The following PALD1 variants were observed in gnomAD, a reference collection of about 807,000 sequenced individuals.
PALD1 encodes paladin.
In PALD1, 57 loss-of-function variants were observed where a neutral mutation model predicts 96.0. The ratio of observed to expected loss-of-function variants is 0.59; its 90% CI spans 0.48 to 0.74. PALD1 has a LOEUF of 0.74. Among genes scored for constraint, PALD1 ranks in the 30% least tolerant of loss-of-function variants. The pLI, the probability that PALD1 is intolerant of heterozygous loss-of-function variation, is 0.00. For missense variants in PALD1, 1,063 were observed against 1,143.7 expected (o/e 0.93, Z 1.02); for synonymous variants, 464 against 473.6 (o/e 0.98, Z 0.26).
At chr10:70,564,296 G>A in intron 18 of PALD1, 68 bp from the exon 19 acceptor site, 1 of 1,492,986 alleles carries the variant, frequency 6.7e-7, no homozygotes, top group Non-Finnish European at 9.1e-7. Context: ...AGGGCAGCAG[G>A]GTGGCATGTT....
chr10:70,529,978 G>A lies in PALD1; in HGVS notation c.378G>A (p.Val126=). Residue 126 remains valine, a synonymous_variant, in exon 4 of 20, where the codon GTG becomes GTA. Transcript: ENST00000263563. The part of the protein sequence containing the change: ...GSCGAPNFRQ[V]QGGLTVFGMG... Reference sequence around the variant, plus strand: ...GTGGGGCCCCCAACTTCCGGCAGGTGCAGGGTGGGCTCACTGTGTTCGGCA... The same window carrying A: ...GTGGGGCCCCCAACTTCCGGCAGGTACAGGGTGGGCTCACTGTGTTCGGCA... 2 of 1,611,724 alleles carry A rather than the reference G, an allele frequency of 1.2e-6. No individual in the cohort carries two copies. Among genetic ancestry groups the A allele is most frequent in the Non-Finnish European group, 1.7e-6 (2 of 1,178,906 alleles).
chr10:70,550,322 C>G (rs1176404659), intron 18 of PALD1, among the ~76,000 whole-genome samples: 3 of 152,184 alleles, frequency 2.0e-5, no homozygotes, highest in Non-Finnish European at 4.4e-5. Context: ...CGGCCCCCAG[C>G]TTTAGTGGGC....
chr10:70,525,734 G>A (rs972882742), intron 1 of PALD1, among the ~76,000 whole-genome samples, 189 bp from the exon 2 acceptor site: 6 of 152,136 alleles, frequency 3.9e-5, no homozygotes, highest in African/African-American at 7.2e-5. Flanking sequence ...GTAAAGGGCC[G>A]GGTATAGAGC....
intron 1 of PALD1, among the ~76,000 whole-genome samples, chr10:70,494,149 T>C (rs2132276536): frequency 1.3e-5 from 2 of 152,312 alleles, no homozygotes; most frequent in South Asian, 4.1e-4. Context: ...AGGTCCTTTT[T>C]CTCCAGAGAG....
rs1366968961 is a variant in PALD1 at position 70,538,268 on chromosome 10, C to A, written c.1324-12C>A. 1 of 1,600,434 alleles carries A rather than the reference C, an allele frequency of 6.2e-7. No homozygotes were observed. The highest frequency in any genetic ancestry group is 1.7e-5 in the Admixed American group (1 of 60,014). The stretch of plus-strand genomic sequence containing the variant: ...GCCCCTGAATTCCTCGTCTCTCTGC[C>A]TCGGGCTGCAGTACCCGCTGGCCTT... On this transcript the variant is annotated splice_polypyrimidine_tract_variant and intron_variant, in intron 11 of 19. Transcript: ENST00000263563.
At chr10:70,537,733 C>T (rs1847143447) in intron 10 of PALD1, 78 bp from the exon 11 acceptor site, 2 of 945,342 alleles carry the variant, frequency 2.1e-6, no homozygotes, top group African/African-American at 1.6e-5. Context: ...CAAGGCTTAA[C>T]TCCTGCCCTT....
At chr10:70,487,151 T>TTTG (rs1846027453) in intron 1 of PALD1, among the ~76,000 whole-genome samples, 1 of 145,592 alleles carries the variant, frequency 6.9e-6, no homozygotes, top group African/African-American at 2.6e-5. Context: ...TTTTTTTTTT[T>TTTG]GAGACAGAGT....
At chr10:70,529,455 C>T (rs534037874) in intron 3 of PALD1, 124 bp downstream of exon 3, 12 of 626,280 alleles carry the variant, frequency 1.9e-5, no homozygotes, top group Admixed American at 9.2e-5. Flanking sequence ...ATTTTCAGAA[C>T]GGGCAGGGCC....
chr10:70,556,737 G>A (rs1180801194), intron 18 of PALD1, among the ~76,000 whole-genome samples: 1 of 152,198 alleles, frequency 6.6e-6, no homozygotes, highest in African/African-American at 2.4e-5. Context: ...TGGTTTCTAA[G>A]TGTGCACCAC....
chr10:70,462,952 C>T, the PALD1 span, among the ~76,000 whole-genome samples: 1 of 152,222 alleles, frequency 6.6e-6, no homozygotes, highest in East Asian at 1.9e-4. Flanking sequence ...CTGGGCATTC[C>T]CCCAGGCCTG....
At chr10:70,483,410 G>A (rs1322264257) in intron 1 of PALD1, among the ~76,000 whole-genome samples, 1 of 152,224 alleles carries the variant, frequency 6.6e-6, no homozygotes, top group Non-Finnish European at 1.5e-5. Context: ...ATGGAAGGCA[G>A]TAGAGAACAT....
chr10:70,564,552 G>A lies in PALD1; in HGVS notation c.2418+33G>A, dbSNP rs776164766. 1.9e-6 allele frequency: 3 copies of A among 1,603,474 alleles called. No individual in the cohort carries two copies. The South Asian group carries it at 3.4e-5, about 18-fold the overall frequency. Reference sequence around the variant, plus strand: ...GAGGCTGAGGCCGAGAGGGGCCGGGGCGATGGCTCCTGCAGATGGAGCTGG... The same window carrying A: ...GAGGCTGAGGCCGAGAGGGGCCGGGACGATGGCTCCTGCAGATGGAGCTGG... On this transcript the variant is annotated intron_variant, in intron 19 of 19. Coordinates refer to ENST00000263563, the MANE Select transcript of PALD1 (RefSeq NM_014431.3).
At chr10:70,490,537 A>G (rs1473978734) in intron 1 of PALD1, among the ~76,000 whole-genome samples, 1 of 152,242 alleles carries the variant, frequency 6.6e-6, no homozygotes, top group Non-Finnish European at 1.5e-5. Context: ...TGTGTATAAG[A>G]CCAGGCATAA....
intron 1 of PALD1, among the ~76,000 whole-genome samples, chr10:70,492,747 A>G (rs1846122140): frequency 6.6e-6 from 1 of 152,060 alleles, no homozygotes; most frequent in Non-Finnish European, 1.5e-5. Context: ...GTGAGCCACC[A>G]CCTGGCCTTG....
At chr10:70,489,295 C>G (rs759396027) in intron 1 of PALD1, among the ~76,000 whole-genome samples, 1 of 152,184 alleles carries the variant, frequency 6.6e-6, no homozygotes, top group Non-Finnish European at 1.5e-5. Flanking sequence ...GTCCCAGGTG[C>G]TCTGAGTCTT....
At chr10:70,530,430 C>G (rs78635968) in intron 4 of PALD1, among the ~76,000 whole-genome samples, 1 of 152,030 alleles carries the variant, frequency 6.6e-6, no homozygotes, top group Non-Finnish European at 1.5e-5. Context: ...TGATGTTAGC[C>G]CTGTGATGGA....
intron 1 of PALD1, among the ~76,000 whole-genome samples, chr10:70,505,945 G>A (rs550121819): frequency 1.7e-4 from 26 of 152,058 alleles, no homozygotes; most frequent in Non-Finnish European, 3.2e-4. Context: ...GATAGCTTGA[G>A]CCCGGGTTGA....
chr10:70,505,619 CAAAACAAAA>C (rs1564689131), intron 1 of PALD1, among the ~76,000 whole-genome samples: 1 of 89,342 alleles, frequency 1.1e-5, no homozygotes, highest in East Asian at 3.0e-4. Context: ...CAAAACAAAA[CAAAACAAAA>C]CAAAACAAAA....
chr10:70,521,551 G>A (rs539130675), intron 1 of PALD1, among the ~76,000 whole-genome samples: 1 of 151,414 alleles, frequency 6.6e-6, no homozygotes, highest in Non-Finnish European at 1.5e-5. Context: ...CTTTTTTTTC[G>A]AGATGGAGTC....
Sources: allele counts gnomAD v4.1 joint callset (sites outside exome capture counted in the v4.1 genomes callset), GRCh38; gene constraint gnomAD v4.1.1; transcripts MANE v1.5; gene names NCBI Gene and HGNC (gene_info 2026-07-23, HGNC 2026-07-21).